TMTC2: variants seen among roughly 807,000 people sequenced by gnomAD.
TMTC2 encodes the protein protein O-mannosyl-transferase TMTC2.
In TMTC2, 43 loss-of-function variants were observed where a neutral mutation model predicts 82.4. The ratio of observed to expected loss-of-function variants is 0.52; its 90% CI spans 0.41 to 0.67. TMTC2 has a LOEUF of 0.67. TMTC2 is among the 30% of genes least tolerant of loss of function. The probability of loss-of-function intolerance (pLI) is 0.00; values close to 1 mark genes in which losing one functional copy is unlikely to be tolerated. For missense variants in TMTC2, 919 were observed against 1,012.4 expected (o/e 0.91, Z 1.25); for synonymous variants, 408 against 381.9 (o/e 1.07, Z -0.80).
intron 1 of TMTC2, among the ~76,000 whole-genome samples, chr12:82,706,300 G>A (rs1489314727): frequency 9.5e-6 from 1 of 104,890 alleles, no homozygotes; most frequent in African/African-American, 3.8e-5. Flanking sequence ...CTGGACAACA[G>A]ACAACAAAGC....
At chr12:82,945,792 T>C (rs1876961565) in intron 4 of TMTC2, among the ~76,000 whole-genome samples, 1 of 152,198 alleles carries the variant, frequency 6.6e-6, no homozygotes, top group African/African-American at 2.4e-5. Context: ...TATAGTAATA[T>C]TGTCTTTCAC....
At position 82,893,697 on chromosome 12, in the gene TMTC2, T is replaced by TA. The variant is rs200469082; in HGVS notation, c.655-2111dup. On this transcript the variant is annotated intron_variant, in intron 2 of 11. Transcript: ENST00000321196. ...TACTCAGAATTACCCCCTTTTAGAT[T>TA]AAAAAAAAAACTTTCATACTTTTGA... 6.2e-3 allele frequency among the ~76,000 whole-genome samples: 923 copies of TA among 148,990 alleles called. 7 individuals carry two copies. The highest frequency in any genetic ancestry group is 0.021 in the African/African-American group (846 of 40,602).
chr12:82,985,882 G>A lies in TMTC2; in HGVS notation c.1949-43G>A, dbSNP rs374932919. The A allele has an allele frequency of 2.6e-4, 418 of 1,597,264 alleles. 1 individual carries two copies. The highest frequency in any genetic ancestry group is 3.0e-4 in the Non-Finnish European group (353 of 1,169,396). On this transcript the variant is annotated intron_variant, in intron 7 of 11. Transcript: ENST00000321196. ...ATGCTGTTGCAAATAATGTGGAAAA[G>A]CTGTATCCTCCCTTTGACCTTCATG...
chr12:83,114,121 ATGTT>A (rs1884683044), intron 11 of TMTC2, among the ~76,000 whole-genome samples: 1 of 152,124 alleles, frequency 6.6e-6, no homozygotes, highest in Admixed American at 6.6e-5. Flanking sequence ...TATGGACTGA[ATGTT>A]TGTGTTCCTC....
chr12:82,723,096 C>A (rs12367486), intron 1 of TMTC2, among the ~76,000 whole-genome samples: 8,963 of 152,206 alleles, frequency 0.059, 358 homozygotes, highest in Admixed American at 0.095. Context: ...TACATTTATG[C>A]CACATCAATA....
chr12:82,950,071 G>C (rs1405262221), intron 4 of TMTC2, among the ~76,000 whole-genome samples: 1 of 152,062 alleles, frequency 6.6e-6, no homozygotes, highest in African/African-American at 2.4e-5. Flanking sequence ...AGAAAGGGCG[G>C]GTATTAATAC....
intron 11 of TMTC2, among the ~76,000 whole-genome samples, chr12:83,117,914 T>TTATG (rs1466880190): frequency 3.0e-3 from 452 of 151,528 alleles, no homozygotes; most frequent in Middle Eastern, 0.01. Flanking sequence ...ATTTATTTAT[T>TTATG]TATTTATTTA....
chr12:82,947,785 A>T lies in TMTC2; in HGVS notation c.1599-17239A>T, dbSNP rs116486942. Among the ~76,000 whole-genome samples the T allele has an allele frequency of 5.6e-3, 854 of 152,302 alleles. 10 individuals carry two copies. Among genetic ancestry groups the T allele is most frequent in the African/African-American group, 0.02 (817 of 41,560 alleles). On this transcript the variant is annotated intron_variant, in intron 4 of 11. Coordinates refer to ENST00000321196, the MANE Select transcript of TMTC2 (RefSeq NM_152588.3). Reference sequence around the variant, plus strand: ...CAGTAGCCTTATTAAATATAAGGGTAGAATGAATAGAAAAGAGAATAGAAG... The same window carrying T: ...CAGTAGCCTTATTAAATATAAGGGTTGAATGAATAGAAAAGAGAATAGAAG...
intron 4 of TMTC2, among the ~76,000 whole-genome samples, chr12:82,932,510 A>G (rs535614434): frequency 4.6e-5 from 7 of 152,326 alleles, no homozygotes; most frequent in Admixed American, 2.6e-4. Flanking sequence ...ATGAAAATAC[A>G]TATCTAGGTA....
At chr12:82,815,237 G>A (rs1447085040) in intron 1 of TMTC2, among the ~76,000 whole-genome samples, 3 of 151,212 alleles carry the variant, frequency 2.0e-5, no homozygotes, top group South Asian at 2.1e-4. Context: ...CGCGATCTTG[G>A]CTCACTGCAA....
intron 2 of TMTC2, among the ~76,000 whole-genome samples, chr12:82,885,948 A>G (rs1212700813): frequency 2.0e-5 from 3 of 152,210 alleles, no homozygotes; most frequent in Non-Finnish European, 2.9e-5. Flanking sequence ...GTTGGAGAAT[A>G]TATATAAGTT....
intron 11 of TMTC2, among the ~76,000 whole-genome samples, chr12:83,120,515 A>G (rs570035848): frequency 2.0e-5 from 3 of 152,308 alleles, no homozygotes; most frequent in Admixed American, 6.5e-5. Flanking sequence ...TTCTGCTGGG[A>G]AATCTGCTGT....
At chr12:82,942,823 T>A (rs2137264883) in intron 4 of TMTC2, among the ~76,000 whole-genome samples, 1 of 152,276 alleles carries the variant, frequency 6.6e-6, no homozygotes, top group South Asian at 2.1e-4. Flanking sequence ...TTAAAATACA[T>A]CTAGCTTAAT....
chr12:82,895,750 A>G (rs1212652191), intron 2 of TMTC2, 68 bp from the exon 3 acceptor site: 2 of 1,343,854 alleles, frequency 1.5e-6, no homozygotes, highest in East Asian at 2.3e-5. Context: ...TTTTATCTCT[A>G]AGTGTTAAGT....
chr12:82,871,992 A>T (rs1872206924), intron 2 of TMTC2, among the ~76,000 whole-genome samples: 1 of 149,084 alleles, frequency 6.7e-6, no homozygotes, highest in African/African-American at 2.5e-5. Context: ...ATATTACAAA[A>T]AAGTTGAACA....
chr12:82,760,877 A>G, intron 1 of TMTC2: 1 of 403,700 alleles, frequency 2.5e-6, no homozygotes, highest in Non-Finnish European at 5.0e-6. Flanking sequence ...CCCAGATGGA[A>G]CCATCTAGTT....
rs1468926935 is a variant in TMTC2 at position 82,687,410 on chromosome 12, CGAG to C, written c.-167_-165del. 8.5e-5 allele frequency: 51 copies of C among 596,610 alleles called. No individual in the cohort carries two copies. Among genetic ancestry groups the C allele is most frequent in the Admixed American group, 2.1e-4 (7 of 33,854 alleles). 37.0% of individuals were successfully genotyped at this position (596,610 alleles called of 1,614,324 possible). A position where few individuals can be genotyped will look rare whatever the true frequency, so the allele number is the denominator to read the frequency against. ...GACGCAGGAGCTGCGGAGACGGGCG[CGAG>C]GAGGAGGAGAGGAGTCGTGGATTGG... On this transcript the variant is annotated 5_prime_UTR_variant, in exon 1 of 12. Coordinates refer to ENST00000321196, the MANE Select transcript of TMTC2 (RefSeq NM_152588.3).
At chr12:82,720,245 C>T (rs1451465342) in intron 1 of TMTC2, among the ~76,000 whole-genome samples, 1 of 152,236 alleles carries the variant, frequency 6.6e-6, no homozygotes, top group East Asian at 1.9e-4. Context: ...CCGACCCCAG[C>T]CCTCTGCAAC....
chr12:82,972,726 A>G (rs1878503460), intron 7 of TMTC2, among the ~76,000 whole-genome samples: 1 of 152,192 alleles, frequency 6.6e-6, no homozygotes, highest in Non-Finnish European at 1.5e-5. Context: ...TTCTGAAAAC[A>G]ATGCAAATGT....
Sources: allele counts gnomAD v4.1 joint callset (sites outside exome capture counted in the v4.1 genomes callset), GRCh38; gene constraint gnomAD v4.1.1; transcripts MANE v1.5; gene names NCBI Gene and HGNC (gene_info 2026-07-23, HGNC 2026-07-21).